The following CDH8 variants were observed in gnomAD, a reference collection of about 807,000 sequenced individuals.
CDH8 encodes the protein cadherin-8.
Under a neutral mutation model 68.1 loss-of-function variants are expected in CDH8, and 17 were observed. That is an observed-to-expected ratio of 0.25 (90% CI 0.17 to 0.37). CDH8 has a LOEUF of 0.37. Ranked by LOEUF, CDH8 falls within the 10% of genes least tolerant of loss-of-function variation. The pLI, the probability that CDH8 is intolerant of heterozygous loss-of-function variation, is 1.00. For missense variants in CDH8, 763 were observed against 999.3 expected (o/e 0.76, Z 3.19); for synonymous variants, 372 against 365.1 (o/e 1.02, Z -0.21).
intron 3 of CDH8, among the ~76,000 whole-genome samples, chr16:61,895,480 CT>C (rs1963855228): frequency 6.6e-6 from 1 of 152,148 alleles, no homozygotes; most frequent in Non-Finnish European, 1.5e-5. Flanking sequence ...AACACAGCCT[CT>C]GGCATATAGT....
chr16:61,861,271 C>T (rs1388243737), intron 3 of CDH8, among the ~76,000 whole-genome samples: 1 of 152,176 alleles, frequency 6.6e-6, no homozygotes, highest in Non-Finnish European at 1.5e-5. Flanking sequence ...TTAGCTTCAT[C>T]CATTCTCCCT....
intron 4 of CDH8, among the ~76,000 whole-genome samples, chr16:61,843,214 C>A (rs1962726069): frequency 6.6e-6 from 1 of 151,964 alleles, no homozygotes; most frequent in Non-Finnish European, 1.5e-5. Context: ...CATTTTCAAG[C>A]CAATGTCTTA....
chr16:61,694,115 C>A (rs902522307), intron 10 of CDH8, among the ~76,000 whole-genome samples: 1 of 152,122 alleles, frequency 6.6e-6, no homozygotes, highest in African/African-American at 2.4e-5. Flanking sequence ...CTATTTTGAT[C>A]GATCATAATC....
At chr16:61,702,552 T>C (rs1555504006) in intron 10 of CDH8, among the ~76,000 whole-genome samples, 1 of 152,210 alleles carries the variant, frequency 6.6e-6, no homozygotes, top group Non-Finnish European at 1.5e-5. Context: ...CATGTTGTGA[T>C]CTAGACCTGT....
rs568924646 is a variant in CDH8 at position 61,781,577 on chromosome 16, G to A, written c.1414+7769C>T. 2.6e-5 allele frequency among the ~76,000 whole-genome samples: 4 copies of A among 152,228 alleles called. No homozygotes were observed. In the East Asian group the frequency reaches 5.8e-4, roughly 22 times the overall value. The stretch of plus-strand genomic sequence containing the variant: ...GAGTGAGCTATGATATAGTGCCTGG[G>A]CAAAAGAGAGAGATCTATCTCAAAG... On this transcript the variant is annotated intron_variant, in intron 8 of 11. Transcript: ENST00000577390.
At position 61,745,298 on chromosome 16, in the gene CDH8, AT is replaced by A. The variant is rs1443503056; in HGVS notation, c.1415-18084del. On this transcript the variant is annotated intron_variant, in intron 8 of 11. Transcript: ENST00000577390. The stretch of plus-strand genomic sequence containing the variant: ...TTAATTTTAAATTCTCATTGTCTTT[AT>A]TTTTAGCAATGTTACTATGATGTGT... 3.3e-5 allele frequency among the ~76,000 whole-genome samples: 5 copies of A among 151,626 alleles called. No individual in the cohort carries two copies. The South Asian group carries it at 8.3e-4, about 25-fold the overall frequency.
Position 61,817,496 on chromosome 16 carries a change from G to A in CDH8, c.1260C>T (p.Ile420=). ...IGQVTARDPD[I]TSSPIRFSID... is the part of the protein sequence containing the mutation. Reference sequence around the variant, plus strand: ...AAAAATACCTTATAGGACTGGAAGTGATATCAGGGTCACGAGCAGTCACTT... The same window carrying A: ...AAAAATACCTTATAGGACTGGAAGTAATATCAGGGTCACGAGCAGTCACTT... The change falls in exon 7 of 12, where the codon ATC becomes ATT. Residue 420 remains isoleucine (I), a synonymous_variant. Coordinates refer to ENST00000577390, the MANE Select transcript of CDH8 (RefSeq NM_001796.5). 6.2e-7 allele frequency: 1 copy of A among 1,613,930 alleles called. No individual in the cohort carries two copies.
At chr16:61,935,747 T>A (rs1213088286) in intron 2 of CDH8, among the ~76,000 whole-genome samples, 1 of 152,192 alleles carries the variant, frequency 6.6e-6, no homozygotes, top group African/African-American at 2.4e-5. Flanking sequence ...TGTGTGCTCA[T>A]CTATTAGACT....
chr16:61,702,371 CAAAAAAAGAAAAA>C (rs980645496), intron 10 of CDH8, among the ~76,000 whole-genome samples: 65 of 131,196 alleles, frequency 5.0e-4, no homozygotes, highest in Non-Finnish European at 7.0e-4. Context: ...GACTCCGTCT[CAAAAAAAGAAAAA>C]AAAAAAAGAA....
At chr16:61,661,645 C>T (rs1027341243) in intron 10 of CDH8, among the ~76,000 whole-genome samples, 2 of 151,468 alleles carry the variant, frequency 1.3e-5, no homozygotes, top group Admixed American at 6.6e-5. Flanking sequence ...AAGCAGAAAG[C>T]TCTCAAATCA....
intron 2 of CDH8, among the ~76,000 whole-genome samples, chr16:61,903,393 A>G (rs1189200514): frequency 1.3e-5 from 2 of 152,150 alleles, no homozygotes; most frequent in Non-Finnish European, 2.9e-5. Context: ...ACGCGATCTC[A>G]GCTCATTGCA....
rs1403733880 is a variant in CDH8 at position 62,020,496 on chromosome 16, GCGCACA to G, written c.252+650_252+655del. Among the ~76,000 whole-genome samples, 14 of 82,266 alleles carry G rather than the reference GCGCACA, an allele frequency of 1.7e-4. No homozygotes were observed. In the East Asian group the frequency reaches 2.3e-3, roughly 14 times the overall value. 54.0% of individuals were successfully genotyped at this position (82,266 alleles called of 152,430 possible). On this transcript the variant is annotated intron_variant, in intron 2 of 11. Coordinates refer to ENST00000577390, the MANE Select transcript of CDH8 (RefSeq NM_001796.5). ...TCCAGTCTAACACACACACGCGCGC[GCGCACA>G]CACACACACACACACACACACACTC...
At chr16:61,692,153 G>GA (rs1173134292) in intron 10 of CDH8, 5 of 152,036 alleles carry the variant, frequency 3.3e-5, no homozygotes, top group African/African-American at 1.2e-4. Flanking sequence ...TCTATCTAGA[G>GA]AAAAAATACA....
chr16:61,694,354 T>C (rs9925730), intron 10 of CDH8, among the ~76,000 whole-genome samples: 32,334 of 152,190 alleles, frequency 0.21, 3,800 homozygotes, highest in Middle Eastern at 0.29. Context: ...TATCTTTCCC[T>C]AGCATGATTT....
rs114462562 is a variant in CDH8, at chr16:62,032,351, C to T, written c.-200+3729G>A. The stretch of plus-strand genomic sequence containing the variant: ...TATATGTGTGTGTGTTATTTGCGTG[C>T]GTGTGTGTGTGTACATAATACAGAG... On this transcript the variant is annotated intron_variant, in intron 1 of 11. Coordinates refer to ENST00000577390, the MANE Select transcript of CDH8 (RefSeq NM_001796.5). 7.4e-4 allele frequency among the ~76,000 whole-genome samples: 112 copies of T among 151,834 alleles called. 1 individual carries two copies. The highest frequency in any genetic ancestry group is 2.6e-3 in the African/African-American group (106 of 41,438).
intron 9 of CDH8, among the ~76,000 whole-genome samples, chr16:61,717,765 A>G (rs891022447): frequency 1.3e-5 from 2 of 151,458 alleles, no homozygotes; most frequent in African/African-American, 2.4e-5. Flanking sequence ...TACTATTAGA[A>G]TAACATGTGG....
At chr16:61,863,414 T>C (rs1963192263) in intron 3 of CDH8, among the ~76,000 whole-genome samples, 1 of 152,138 alleles carries the variant, frequency 6.6e-6, no homozygotes, top group South Asian at 2.1e-4. Context: ...GCTGATAAAC[T>C]AAGATGAAAG....
chr16:61,729,440 G>A (rs1239102749), intron 8 of CDH8, among the ~76,000 whole-genome samples: 1 of 151,216 alleles, frequency 6.6e-6, no homozygotes, highest in Non-Finnish European at 1.5e-5. Context: ...CTAAGGGGTT[G>A]TACCATCATG....
At chr16:61,886,062 C>T (rs1429955671) in intron 3 of CDH8, among the ~76,000 whole-genome samples, 1 of 152,130 alleles carries the variant, frequency 6.6e-6, no homozygotes, top group Non-Finnish European at 1.5e-5. Context: ...GGGGATATCC[C>T]ACCCTCTACC....
Sources: gnomAD v4.1 joint callset for allele counts (sites outside exome capture counted in the v4.1 genomes callset) on GRCh38, gnomAD v4.1.1 for gene constraint, MANE v1.5 for transcripts, NCBI Gene and HGNC (gene_info 2026-07-23, HGNC 2026-07-21) for gene names.